ABCG2: variants seen among roughly 807,000 people sequenced by gnomAD.
The protein encoded by ABCG2 is ATP binding cassette subfamily G member 2 (JR blood group).
Under a neutral mutation model 73.5 loss-of-function variants are expected in ABCG2, and 80 were observed. That is an observed-to-expected ratio of 1.09 (90% CI 0.91 to 1.31). The LOEUF is 1.31. ABCG2 is among the 50% of genes most tolerant of loss of function. The pLI, the probability that ABCG2 is intolerant of heterozygous loss-of-function variation, is 0.00. For missense variants in ABCG2, 796 were observed against 786.2 expected (o/e 1.01, Z -0.15); for synonymous variants, 269 against 282.4 (o/e 0.95, Z 0.48).
rs562876990 is a variant in ABCG2 at position 88,191,318 on chromosome 4, T to C, written c.-20+39676A>G. Reference sequence around the variant, plus strand: ...CAAAAATTTACAAAGACATTTCACCTAAGATATATGAATGGCCAACAAGTA... The same window carrying C: ...CAAAAATTTACAAAGACATTTCACCCAAGATATATGAATGGCCAACAAGTA... On this transcript the variant is annotated intron_variant, in intron 1 of 15. Coordinates refer to the ABCG2 transcript ENST00000515655. Among the ~76,000 whole-genome samples, 4 of 149,084 alleles carry C rather than the reference T, an allele frequency of 2.7e-5. No homozygotes were observed. The East Asian group carries it at 7.9e-4, about 29-fold the overall frequency.
intron 1 of ABCG2, among the ~76,000 whole-genome samples, chr4:88,219,249 C>A (rs539759080): frequency 6.6e-6 from 1 of 152,324 alleles, no homozygotes. Flanking sequence ...GTACACTGTT[C>A]CGCAAGTATT....
chr4:88,150,498 G>T (rs1344296528), intron 1 of ABCG2, among the ~76,000 whole-genome samples: 2 of 152,176 alleles, frequency 1.3e-5, no homozygotes, highest in African/African-American at 2.4e-5. Context: ...CTTTGGCTTT[G>T]ATCTGAATGG....
intron 14 of ABCG2, 142 bp downstream of exon 14, chr4:88,095,378 A>C (rs1411773396): frequency 4.2e-6 from 3 of 705,902 alleles, no homozygotes; most frequent in Non-Finnish European, 7.3e-6. Context: ...CTAACAGGAA[A>C]TTCTCATTCC....
At chr4:88,195,938 A>G (rs1213854724) in intron 1 of ABCG2, among the ~76,000 whole-genome samples, 1 of 152,218 alleles carries the variant, frequency 6.6e-6, no homozygotes, top group Non-Finnish European at 1.5e-5. Flanking sequence ...CTCTTAGTGC[A>G]TGTGCTTGAT....
Position 88,100,098 on chromosome 4 carries a change from T to C in ABCG2, c.1368-650A>G, listed in dbSNP as rs1050786865. On this transcript the variant is annotated intron_variant, in intron 11 of 15. Transcript: ENST00000237612. ...CATTATTTCCCTTTCTAATAATTCC[T>C]ATATGTGACATGTACATTTGGGAAA... is the stretch of plus-strand genomic sequence containing the variant. Among the ~76,000 whole-genome samples the C allele has an allele frequency of 2.0e-5, 3 of 152,058 alleles. No homozygotes were observed. The South Asian group carries it at 6.2e-4, about 32-fold the overall frequency.
chr4:88,113,337 T>G lies in ABCG2; in HGVS notation c.1160A>C (p.Asn387Thr), dbSNP rs1251253139. 4 of 1,614,082 alleles carry G rather than the reference T, an allele frequency of 2.5e-6. No individual in the cohort carries two copies. The highest frequency in any genetic ancestry group is 3.4e-6 in the Non-Finnish European group (4 of 1,180,016). The change falls in exon 9 of 16, where the codon AAC becomes ACC. Residue 387 changes from asparagine (N) to threonine (T), a missense_variant. Asn to Thr is a moderately conservative substitution (Grantham distance 65). Coordinates refer to ENST00000237612, the MANE Select transcript of ABCG2 (RefSeq NM_004827.3). ...AGAGGCCTGGGGATTACCCAGCAAG[T>G]TTTTGAATGAACGCTTGGAAACCCA... ...LRWVSKRSFK[N>T]LLGNPQASIA...
At chr4:88,202,668 A>G (rs1431216144) in intron 1 of ABCG2, among the ~76,000 whole-genome samples, 2 of 151,740 alleles carry the variant, frequency 1.3e-5, no homozygotes, top group African/African-American at 4.8e-5. Context: ...CCGTTCTCCC[A>G]GTGTACAGGC....
At chr4:88,110,612 G>A (rs1723073604) in intron 9 of ABCG2, among the ~76,000 whole-genome samples, 1 of 152,118 alleles carries the variant, frequency 6.6e-6, no homozygotes, top group African/African-American at 2.4e-5. Context: ...GCATCCTTCT[G>A]CCTTGGTCTC....
chr4:88,201,744 C>T (rs1443239395), intron 1 of ABCG2: 1 of 152,132 alleles, frequency 6.6e-6, no homozygotes, highest in Non-Finnish European at 1.5e-5. Context: ...TGGAACAATT[C>T]AGAGAAGATT....
chr4:88,206,801 A>G lies in ABCG2; in HGVS notation c.-20+24193T>C, dbSNP rs1729397234. Among the ~76,000 whole-genome samples the G allele has an allele frequency of 3.9e-5, 6 of 152,146 alleles. No homozygotes were observed. The South Asian group carries it at 1.2e-3, about 32-fold the overall frequency. ...TTAACATTTATTCTTGAAACAACAA[A>G]CCCAATAGTCCCATAGATTGGTGCA... On this transcript the variant is annotated intron_variant, in intron 1 of 15. Coordinates refer to the ABCG2 transcript ENST00000515655.
intron 11 of ABCG2, among the ~76,000 whole-genome samples, chr4:88,100,508 A>AC (rs1456450188): frequency 7.1e-6 from 1 of 140,286 alleles, no homozygotes; most frequent in African/African-American, 2.6e-5. Context: ...CTCTATGTCA[A>AC]AAAAAAAAAA....
intron 1 of ABCG2, among the ~76,000 whole-genome samples, chr4:88,213,494 C>G (rs1729682244): frequency 6.6e-6 from 1 of 152,032 alleles, no homozygotes; most frequent in African/African-American, 2.4e-5. Flanking sequence ...GAGGAACTGC[C>G]CATGTTACTA....
At chr4:88,109,751 C>A (rs1162989380) in intron 9 of ABCG2, among the ~76,000 whole-genome samples, 1 of 152,188 alleles carries the variant, frequency 6.6e-6, no homozygotes, top group Non-Finnish European at 1.5e-5. Context: ...CAAAGTGCAG[C>A]TGTAAAGCAA....
At chr4:88,148,728 A>T (rs1187462784) in intron 1 of ABCG2, among the ~76,000 whole-genome samples, 2 of 152,174 alleles carry the variant, frequency 1.3e-5, no homozygotes, top group Non-Finnish European at 2.9e-5. Flanking sequence ...AATCATGTTT[A>T]TTGGAAACCC....
At chr4:88,201,207 T>G in intron 1 of ABCG2, among the ~76,000 whole-genome samples, 1 of 57,542 alleles carries the variant, frequency 1.7e-5, no homozygotes, top group Non-Finnish European at 3.6e-5. Context: ...TTGCACTAAC[T>G]GCAAAAAAAA....
At chr4:88,095,725 T>G in intron 13 of ABCG2, 116 bp from the exon 14 acceptor site, 1 of 768,514 alleles carries the variant, frequency 1.3e-6, no homozygotes, top group South Asian at 1.6e-5. Context: ...AAACCAACTC[T>G]TTCTTGAAGT....
intron 1 of ABCG2, among the ~76,000 whole-genome samples, chr4:88,207,449 C>T (rs1350624920): frequency 6.6e-6 from 1 of 152,140 alleles, no homozygotes; most frequent in Non-Finnish European, 1.5e-5. Flanking sequence ...CTGTGGACAA[C>T]TGGAAAAGAA....
At position 88,092,249 on chromosome 4, in the gene ABCG2, A is replaced by AAGAAATAACAATTTCAGGTAGGC. The variant is rs754196551; in HGVS notation, c.1930_1952dup (p.Lys652ProfsTer3). The AAGAAATAACAATTTCAGGTAGGC allele has an allele frequency of 2.7e-5, 43 of 1,606,878 alleles. No homozygotes were observed. The highest frequency in any genetic ancestry group is 1.7e-4 in the Middle Eastern group (1 of 6,058). ...AAGGGGAAATTTAAGAATATTTTTT[A>AAGAAATAACAATTTCAGGTAGGC]AGAAATAACAATTTCAGGTAGGCAA... On this transcript the variant is annotated stop_gained and frameshift_variant, in exon 16 of 16. Transcript: ENST00000237612. LOFTEE classifies it high-confidence loss of function.
At chr4:88,127,271 T>C (rs1578204821) in intron 5 of ABCG2, among the ~76,000 whole-genome samples, 1 of 150,678 alleles carries the variant, frequency 6.6e-6, no homozygotes, top group Non-Finnish European at 1.5e-5. Flanking sequence ...AATAAGAGAG[T>C]ACACAAACAA....
Sources: allele counts gnomAD v4.1 joint callset (sites outside exome capture counted in the v4.1 genomes callset), GRCh38; gene constraint gnomAD v4.1.1; transcripts MANE v1.5; gene names NCBI Gene and HGNC (gene_info 2026-07-23, HGNC 2026-07-21).